The following EFCAB6 variants were observed in gnomAD, a reference collection of about 807,000 sequenced individuals.
EFCAB6 encodes EF-hand calcium binding domain 6.
In EFCAB6, 156 loss-of-function variants were observed where a neutral mutation model predicts 169.8. That is an observed-to-expected ratio of 0.92 (90% CI 0.81 to 1.05). The LOEUF (loss-of-function observed/expected upper bound fraction) is 1.05, where lower values mean the gene tolerates loss of function less well. Ranked by LOEUF, EFCAB6 falls within the 50% of genes least tolerant of loss-of-function variation. EFCAB6 has a pLI of 0.00. For missense variants in EFCAB6, 1,800 were observed against 1,829.1 expected (o/e 0.98, Z 0.29); for synonymous variants, 698 against 676.4 (o/e 1.03, Z -0.50).
chr22:43,608,833 CAG>C, intron 21 of EFCAB6, among the ~76,000 whole-genome samples: 1 of 152,214 alleles, frequency 6.6e-6, no homozygotes, highest in South Asian at 2.1e-4. Flanking sequence ...TGAGTTGCCT[CAG>C]GGGTTTGACC....
chr22:43,555,872 G>A (rs549560885), intron 26 of EFCAB6, among the ~76,000 whole-genome samples: 74 of 152,358 alleles, frequency 4.9e-4, no homozygotes, highest in Non-Finnish European at 7.9e-4. Flanking sequence ...ATTGGCTGTG[G>A]AGAAAGAGAG....
chr22:43,790,705 G>C (rs765238684), intron 2 of EFCAB6, among the ~76,000 whole-genome samples: 2 of 152,186 alleles, frequency 1.3e-5, no homozygotes, highest in Non-Finnish European at 2.9e-5. Context: ...TCTGGCCTCT[G>C]GGTTAAAGGA....
At chr22:43,576,637 C>T in intron 25 of EFCAB6, 149 bp from the exon 26 acceptor site, 2 of 635,828 alleles carry the variant, frequency 3.1e-6, no homozygotes, top group Non-Finnish European at 2.4e-6. Context: ...ATAAATGCAC[C>T]ATTATTGAAG....
intron 7 of EFCAB6, among the ~76,000 whole-genome samples, chr22:43,735,155 C>T (rs1331279193): frequency 2.0e-5 from 3 of 152,144 alleles, no homozygotes; most frequent in South Asian, 2.1e-4. Context: ...AGAAGCCAAA[C>T]ATTTGGCTTC....
chr22:43,623,321 T>C (rs2054236792), intron 20 of EFCAB6, among the ~76,000 whole-genome samples: 1 of 152,072 alleles, frequency 6.6e-6, no homozygotes, highest in Non-Finnish European at 1.5e-5. Context: ...TGTAAGTGGA[T>C]AAATGGTCAA....
At chr22:43,548,883 A>C (rs2048230758) in intron 27 of EFCAB6, among the ~76,000 whole-genome samples, 2 of 152,274 alleles carry the variant, frequency 1.3e-5, no homozygotes, top group South Asian at 2.1e-4. Context: ...TTAAAAAAAG[A>C]CCACACATCA....
At chr22:43,546,908 C>T (rs546422280) in intron 27 of EFCAB6, among the ~76,000 whole-genome samples, 3 of 151,260 alleles carry the variant, frequency 2.0e-5, no homozygotes, top group African/African-American at 7.3e-5. Context: ...AAATAAAAGT[C>T]TCTACTCAGA....
At chr22:43,739,282 T>C (rs1356719410) in intron 6 of EFCAB6, among the ~76,000 whole-genome samples, 2 of 152,204 alleles carry the variant, frequency 1.3e-5, no homozygotes, top group Non-Finnish European at 2.9e-5. Context: ...CACAGCTGCT[T>C]GGCCCTTCTT....
intron 27 of EFCAB6, among the ~76,000 whole-genome samples, chr22:43,550,577 C>T (rs1040691500): frequency 2.7e-4 from 41 of 150,366 alleles, no homozygotes; most frequent in Admixed American, 1.7e-3. Context: ...GAGGCTGAGA[C>T]AGGAGAACTG....
At chr22:43,737,453 T>TAC (rs907695224) in intron 6 of EFCAB6, among the ~76,000 whole-genome samples, 4 of 136,792 alleles carry the variant, frequency 2.9e-5, no homozygotes, top group African/African-American at 1.1e-4. Flanking sequence ...CATATATTCA[T>TAC]ACACACACAC....
At chr22:43,761,886 G>C (rs192977013) in intron 5 of EFCAB6, among the ~76,000 whole-genome samples, 1 of 151,662 alleles carries the variant, frequency 6.6e-6, no homozygotes, top group African/African-American at 2.4e-5. Context: ...CCAATATTTC[G>C]AGTGTTTGGA....
At chr22:43,612,817 C>A (rs1214103167) in intron 21 of EFCAB6, among the ~76,000 whole-genome samples, 3 of 151,858 alleles carry the variant, frequency 2.0e-5, no homozygotes, top group African/African-American at 4.8e-5. Context: ...TCACTTTAAC[C>A]TGGGCGGCGG....
At chr22:43,810,809 A>G (rs1569498967) in intron 1 of EFCAB6, among the ~76,000 whole-genome samples, 1 of 152,198 alleles carries the variant, frequency 6.6e-6, no homozygotes, top group African/African-American at 2.4e-5. Context: ...CTAAAATAAA[A>G]TCCTCATCCT....
chr22:43,555,784 A>G lies in EFCAB6; in HGVS notation c.3421-688T>C, dbSNP rs73887340. Among the ~76,000 whole-genome samples the G allele has an allele frequency of 2.7e-3, 408 of 152,306 alleles. 4 individuals carry two copies. Among genetic ancestry groups the G allele is most frequent in the African/African-American group, 9.3e-3 (385 of 41,570 alleles). ...GGAGTGTGGTTCAGGTCCTCATGAC[A>G]CTGTCCTTGGTGCTAAGGACTCTGG... On this transcript the variant is annotated intron_variant, in intron 26 of 31. Transcript: ENST00000262726.
intron 20 of EFCAB6, among the ~76,000 whole-genome samples, chr22:43,622,432 G>A (rs192100897): frequency 1.3e-5 from 2 of 152,262 alleles, no homozygotes; most frequent in East Asian, 1.9e-4. Flanking sequence ...TGGGCATGGT[G>A]GTGTGCACCT....
intron 17 of EFCAB6, among the ~76,000 whole-genome samples, chr22:43,640,802 T>A (rs893054970): frequency 6.6e-6 from 1 of 152,204 alleles, no homozygotes; most frequent in East Asian, 1.9e-4. Flanking sequence ...TACTTAACAT[T>A]GTCCAGTGTT....
intron 2 of EFCAB6, among the ~76,000 whole-genome samples, chr22:43,805,502 G>A (rs979038875): frequency 6.6e-6 from 1 of 152,114 alleles, no homozygotes; most frequent in Non-Finnish European, 1.5e-5. Flanking sequence ...CTCAAAAAGT[G>A]GATTTCATAA....
At chr22:43,753,716 TTAGGAAA>T (rs915148095) in intron 6 of EFCAB6, among the ~76,000 whole-genome samples, 6 of 151,906 alleles carry the variant, frequency 3.9e-5, no homozygotes, top group Non-Finnish European at 7.4e-5. Flanking sequence ...AAGAAAACAA[TTAGGAAA>T]TAGGAGTGCT....
intron 24 of EFCAB6, among the ~76,000 whole-genome samples, chr22:43,585,961 G>A (rs192097184): frequency 1.8e-4 from 28 of 152,220 alleles, no homozygotes; most frequent in African/African-American, 6.7e-4. Flanking sequence ...GACTTTCTCA[G>A]ACAAATAAAA....
Sources: gnomAD v4.1 joint callset for allele counts (sites outside exome capture counted in the v4.1 genomes callset) on GRCh38, gnomAD v4.1.1 for gene constraint, MANE v1.5 for transcripts, NCBI Gene and HGNC (gene_info 2026-07-23, HGNC 2026-07-21) for gene names.